HMHB1: variants seen among roughly 807,000 people sequenced by gnomAD.
HMHB1 encodes minor histocompatibility protein HB-1.
A neutral mutation model predicts 2.4 loss-of-function variants in HMHB1; 4 were observed. That is an observed-to-expected ratio of 1.65 (90% CI 0.81 to 3.77). HMHB1 has a LOEUF of 3.77. HMHB1 is among the 30% of genes most tolerant of loss of function. The pLI, the probability that HMHB1 is intolerant of heterozygous loss-of-function variation, is 0.01. For synonymous variants in HMHB1, 22 were observed against 17.6 expected, an observed-to-expected ratio of 1.25 and a Z score of -0.63; for missense variants, 57 against 44.2, an observed-to-expected ratio of 1.29 and a Z score of -0.82.
intron 1 of HMHB1, among the ~76,000 whole-genome samples, chr5:143,817,218 C>T (rs1395984166): frequency 6.6e-6 from 1 of 152,066 alleles, no homozygotes; most frequent in African/African-American, 2.4e-5. Context: ...AATTAAGTCC[C>T]AGCTATTTAT....
intron 1 of HMHB1, among the ~76,000 whole-genome samples, chr5:143,819,126 TA>T (rs1759779738): frequency 6.6e-6 from 1 of 152,156 alleles, no homozygotes; most frequent in African/African-American, 2.4e-5. Flanking sequence ...ATGAATGTGG[TA>T]ACAGAAGATA....
At chr5:143,812,710 A>G (rs1199276678) in intron 1 of HMHB1, among the ~76,000 whole-genome samples, 2 of 152,174 alleles carry the variant, frequency 1.3e-5, no homozygotes, top group African/African-American at 4.8e-5. Context: ...AAGGCAGCCC[A>G]GAGACCAGAC....
rs189487544 is a variant in HMHB1, at chr5:143,815,908, T to A, written c.37+3604T>A. Among the ~76,000 whole-genome samples, 531 of 144,634 alleles carry A rather than the reference T, an allele frequency of 3.7e-3. 5 individuals are homozygous for A. Among genetic ancestry groups the A allele is most frequent in the African/African-American group, 0.011 (396 of 36,610 alleles). The allele number at this position is 144,634 out of a possible 152,430, so 94.9% of individuals were successfully genotyped here. A position where few individuals can be genotyped will look rare whatever the true frequency, so the allele number is the denominator to read the frequency against. On this transcript the variant is annotated intron_variant, in intron 1 of 1. Coordinates refer to ENST00000289448, the MANE Select transcript of HMHB1 (RefSeq NM_021182.3). ...TTTTTAGTAGAGACGGGGTTTCACCTTGTTAGCCAGGATGGTCTCGATCTC... is the reference window on the plus strand; with the variant it reads ...TTTTTAGTAGAGACGGGGTTTCACCATGTTAGCCAGGATGGTCTCGATCTC...
In HMHB1 at chr5:143,820,506, T is replaced by G. The variant is rs772095288; in HGVS notation, c.64T>G (p.Leu22Val). The change falls in exon 2 of 2, where the codon TTG becomes GTG. Residue 22 changes from leucine to valine, a missense_variant. Physicochemically the swap from Leu to Val is conservative, Grantham distance 32 (BLOSUM62 1). Coordinates refer to ENST00000289448, the MANE Select transcript of HMHB1 (RefSeq NM_021182.3). ...TTCTCTGCATGTTTGGAAGTCGGAA[T>G]TGGTTGAAGTTGAAGATGATGTGTA... 3.7e-6 allele frequency: 6 copies of G among 1,612,442 alleles called. No individual in the cohort carries two copies. The highest frequency in any genetic ancestry group is 1.1e-5 in the South Asian group (1 of 91,034).
intron 1 of HMHB1, 107 bp downstream of exon 1, chr5:143,812,411 G>A (rs1279971268): frequency 3.9e-6 from 4 of 1,034,616 alleles, no homozygotes; most frequent in Non-Finnish European, 5.8e-6. Context: ...ACCACAACAG[G>A]TGAAAACAGG....
At position 143,820,463 on chromosome 5, in the gene HMHB1, G is replaced by A; in HGVS notation, c.38-17G>A. ...AGTTGTAAGCTCAAGTCTCAGCTAA[G>A]CCATTCTTTTCTATAGGTTCTCTGC... On this transcript the variant is annotated splice_polypyrimidine_tract_variant and intron_variant, in intron 1 of 1. Coordinates refer to ENST00000289448, the MANE Select transcript of HMHB1 (RefSeq NM_021182.3). 1 of 1,521,276 alleles carries A rather than the reference G, an allele frequency of 6.6e-7. No homozygotes were observed. Among genetic ancestry groups the A allele is most frequent in the Non-Finnish European group, 9.1e-7 (1 of 1,097,028 alleles). 94.2% of individuals were successfully genotyped at this position (1,521,276 alleles called of 1,614,324 possible).
chr5:143,812,680 G>A (rs1759705447), intron 1 of HMHB1, among the ~76,000 whole-genome samples: 1 of 152,136 alleles, frequency 6.6e-6, no homozygotes, highest in African/African-American at 2.4e-5. Context: ...TGCCCACCGC[G>A]TGGGATGCTC....
At chr5:143,819,575 C>A (rs1759784805) in intron 1 of HMHB1, among the ~76,000 whole-genome samples, 1 of 139,276 alleles carries the variant, frequency 7.2e-6, no homozygotes, top group African/African-American at 2.7e-5. Flanking sequence ...GCGGAGGTTG[C>A]AATAAGCCAA....
At chr5:143,819,389 G>C (rs936865894) in intron 1 of HMHB1, among the ~76,000 whole-genome samples, 2 of 152,204 alleles carry the variant, frequency 1.3e-5, no homozygotes, top group Non-Finnish European at 2.9e-5. Context: ...TATCTGAGAG[G>C]AATCCTTATC....
At chr5:143,813,137 G>A (rs540091040) in intron 1 of HMHB1, among the ~76,000 whole-genome samples, 1 of 152,112 alleles carries the variant, frequency 6.6e-6, no homozygotes, top group Non-Finnish European at 1.5e-5. Flanking sequence ...GCTCTGTCTG[G>A]TCCACACAGC....
At chr5:143,815,761 C>T (rs1231246920) in intron 1 of HMHB1, among the ~76,000 whole-genome samples, 1 of 150,006 alleles carries the variant, frequency 6.7e-6, no homozygotes. Context: ...CTGCGGACTG[C>T]AGTGGCGCAA....
Position 143,820,588 on chromosome 5 carries a change from C to T in HMHB1, c.*20C>T. On this transcript the variant is annotated 3_prime_UTR_variant, in exon 2 of 2. Transcript: ENST00000289448. ...CTTTGACACTGCTGTTGAGGTTTGA[C>T]TCGAAGCCCAGAGTTTTGGTGTGGA... The T allele has an allele frequency of 6.5e-7, 1 of 1,540,522 alleles. No homozygotes were observed. The highest frequency in any genetic ancestry group is 9.0e-7 in the Non-Finnish European group (1 of 1,114,052).
chr5:143,820,205 T>A (rs1397385370), intron 1 of HMHB1, among the ~76,000 whole-genome samples: 1 of 151,198 alleles, frequency 6.6e-6, no homozygotes, highest in Non-Finnish European at 1.5e-5. Context: ...TTAAAACCAC[T>A]GGTTTTCGTG....
chr5:143,813,470 A>G lies in HMHB1; in HGVS notation c.37+1166A>G, dbSNP rs572612029. On this transcript the variant is annotated intron_variant, in intron 1 of 1. Transcript: ENST00000289448. Reference sequence around the variant, plus strand: ...TTTTAATCATTTCTGTATCCTTGGCATCTAGCACAGTGCTTGGCACAGTAA... The same window carrying G: ...TTTTAATCATTTCTGTATCCTTGGCGTCTAGCACAGTGCTTGGCACAGTAA... Among the ~76,000 whole-genome samples the G allele has an allele frequency of 3.3e-5, 5 of 152,352 alleles. No individual in the cohort carries two copies. The South Asian group carries it at 8.3e-4, about 25-fold the overall frequency.
chr5:143,819,613 C>T (rs1252939375), intron 1 of HMHB1, among the ~76,000 whole-genome samples: 112 of 123,974 alleles, frequency 9.0e-4, no homozygotes, highest in African/African-American at 3.0e-3. Context: ...CCAGCCTGGG[C>T]GAGAGAGTGA....
chr5:143,817,332 G>GTT (rs1274062604), intron 1 of HMHB1, among the ~76,000 whole-genome samples: 3 of 152,160 alleles, frequency 2.0e-5, no homozygotes, highest in African/African-American at 7.2e-5. Context: ...AATTTTTATA[G>GTT]TTTCAGGTCT....
intron 1 of HMHB1, among the ~76,000 whole-genome samples, chr5:143,815,953 G>A (rs191132385): frequency 0.013 from 1,840 of 145,270 alleles, 112 homozygotes; most frequent in African/African-American, 0.035. Context: ...TGATCCACCC[G>A]CCTCGGCCTC....
At chr5:143,812,948 G>C (rs1210279041) in intron 1 of HMHB1, among the ~76,000 whole-genome samples, 9 of 101,078 alleles carry the variant, frequency 8.9e-5, no homozygotes, top group African/African-American at 4.3e-4. Context: ...CCCTGCTGTC[G>C]TGTTTTTTGT....
rs183896382 is a variant in HMHB1, at chr5:143,820,612, G to A, written c.*44G>A. On this transcript the variant is annotated 3_prime_UTR_variant, in exon 2 of 2. Coordinates refer to ENST00000289448, the MANE Select transcript of HMHB1 (RefSeq NM_021182.3). ...ACTCGAAGCCCAGAGTTTTGGTGTG[G>A]ATGAGCAGGGACAAATTGCTGAGCA... 1.4e-5 allele frequency: 17 copies of A among 1,232,688 alleles called. No individual in the cohort carries two copies. In the African/African-American group the frequency reaches 2.2e-4, roughly 16 times the overall value. 76.4% of individuals were successfully genotyped at this position (1,232,688 alleles called of 1,614,324 possible).
Sources: gnomAD v4.1 joint callset for allele counts (sites outside exome capture counted in the v4.1 genomes callset) on GRCh38, gnomAD v4.1.1 for gene constraint, MANE v1.5 for transcripts, NCBI Gene and HGNC (gene_info 2026-07-23, HGNC 2026-07-21) for gene names.